The following PPFIBP2 variants were observed in gnomAD, a reference collection of about 807,000 sequenced individuals.
PPFIBP2 encodes the protein liprin-beta-2.
PPFIBP2 carries 118 observed loss-of-function variants against 118.3 expected under a neutral mutation model. The ratio of observed to expected loss-of-function variants is 1.00; its 90% CI spans 0.86 to 1.16. The LOEUF (loss-of-function observed/expected upper bound fraction) is 1.16, where lower values mean the gene tolerates loss of function less well. PPFIBP2 is among the 50% of genes most tolerant of loss of function. PPFIBP2 has a pLI of 0.00. For synonymous variants in PPFIBP2, 414 were observed against 397.4 expected (o/e 1.04, Z -0.50); for missense variants, 1,195 against 1,073.1 (o/e 1.11, Z -1.59).
chr11:7,660,639 T>C (rs1854870927), downstream of PPFIBP2, among the ~76,000 whole-genome samples: 1 of 151,532 alleles, frequency 6.6e-6, no homozygotes, highest in Non-Finnish European at 1.5e-5. Flanking sequence ...CAGGTTTTGG[T>C]ATCAGAATGA....
chr11:7,651,553 C>T (rs1478197094), intron 22 of PPFIBP2, 103 bp from the exon 23 acceptor site: 4 of 1,067,736 alleles, frequency 3.7e-6, no homozygotes, highest in African/African-American at 1.6e-5. Context: ...CCTGTCCCTC[C>T]TCTGGAGGCA....
intron 5 of PPFIBP2, among the ~76,000 whole-genome samples, chr11:7,607,417 C>T (rs1437982165): frequency 6.6e-6 from 1 of 151,684 alleles, no homozygotes; most frequent in Non-Finnish European, 1.5e-5. Flanking sequence ...GGCAGGGTTC[C>T]ACTATGTTGT....
chr11:7,574,767 T>A (rs984269237), intron 3 of PPFIBP2, among the ~76,000 whole-genome samples: 1 of 152,154 alleles, frequency 6.6e-6, no homozygotes, highest in Non-Finnish European at 1.5e-5. Context: ...ATCCATCCCA[T>A]TTCACTCAGC....
intron 3 of PPFIBP2, among the ~76,000 whole-genome samples, chr11:7,569,950 GC>G (rs539613378): frequency 4.9e-4 from 75 of 152,306 alleles, no homozygotes; most frequent in African/African-American, 1.7e-3. Flanking sequence ...TGGTCCTGAA[GC>G]CCAGAAAGGG....
At chr11:7,664,272 A>T in the PPFIBP2 span, among the ~76,000 whole-genome samples, 4 of 152,208 alleles carry the variant, frequency 2.6e-5, no homozygotes, top group African/African-American at 9.6e-5. Context: ...ATATTTTCCC[A>T]GGTATGCCGG....
At chr11:7,573,719 G>A (rs1307849890) in intron 3 of PPFIBP2, among the ~76,000 whole-genome samples, 1 of 152,188 alleles carries the variant, frequency 6.6e-6, no homozygotes, top group Non-Finnish European at 1.5e-5. Context: ...CCCCTTCTCA[G>A]CGGGCCCACT....
chr11:7,638,842 G>A (rs1024039560), intron 14 of PPFIBP2, among the ~76,000 whole-genome samples: 2 of 152,118 alleles, frequency 1.3e-5, no homozygotes, highest in Admixed American at 6.5e-5. Flanking sequence ...TAATCAACTT[G>A]TTTCTTTGGG....
intron 5 of PPFIBP2, among the ~76,000 whole-genome samples, chr11:7,603,313 A>G (rs928657135): frequency 6.6e-6 from 1 of 152,198 alleles, no homozygotes; most frequent in Admixed American, 6.5e-5. Flanking sequence ...CTTTAACTCC[A>G]TTTTACAGAT....
intron 3 of PPFIBP2, among the ~76,000 whole-genome samples, chr11:7,583,979 G>A (rs1053633301): frequency 1.3e-5 from 2 of 152,330 alleles, no homozygotes; most frequent in South Asian, 2.1e-4. Context: ...CCACTGTAAA[G>A]CCTCTTCTCT....
chr11:7,579,060 G>T (rs1258671679), intron 3 of PPFIBP2, among the ~76,000 whole-genome samples: 1 of 152,036 alleles, frequency 6.6e-6, no homozygotes, highest in Admixed American at 6.5e-5. Context: ...GGTCTAGTTT[G>T]TATTTTAAGA....
At chr11:7,519,633 A>G (rs1422594488) in intron 1 of PPFIBP2, among the ~76,000 whole-genome samples, 1 of 152,040 alleles carries the variant, frequency 6.6e-6, no homozygotes, top group Non-Finnish European at 1.5e-5. Flanking sequence ...GAGGGCCGGG[A>G]GTTTCCCATA....
At chr11:7,522,905 G>A (rs1849891687) in intron 1 of PPFIBP2, among the ~76,000 whole-genome samples, 4 of 152,132 alleles carry the variant, frequency 2.6e-5, no homozygotes, top group African/African-American at 7.2e-5. Flanking sequence ...TCAATTCCAT[G>A]GGAAGTTGTA....
chr11:7,645,401 T>C (rs1049737087), intron 17 of PPFIBP2, among the ~76,000 whole-genome samples: 4 of 152,218 alleles, frequency 2.6e-5, no homozygotes, highest in African/African-American at 9.6e-5. Flanking sequence ...TGCCATGTGC[T>C]CTCCCCCTAC....
intron 2 of PPFIBP2, among the ~76,000 whole-genome samples, chr11:7,558,137 C>G (rs570800838): frequency 6.6e-6 from 1 of 152,172 alleles, no homozygotes; most frequent in South Asian, 2.1e-4. Context: ...AGGTTTATTT[C>G]TTGTACACAT....
At chr11:7,550,008 T>G (rs1483323352) in intron 2 of PPFIBP2, among the ~76,000 whole-genome samples, 1 of 152,246 alleles carries the variant, frequency 6.6e-6, no homozygotes, top group Non-Finnish European at 1.5e-5. Context: ...CAAATTTTCT[T>G]TATGCCATAT....
chr11:7,565,802 G>T, intron 3 of PPFIBP2, 35 bp downstream of exon 3: 1 of 1,606,578 alleles, frequency 6.2e-7, no homozygotes, highest in South Asian at 1.1e-5. Context: ...GGAACCACTG[G>T]GGAATGTAAT....
chr11:7,552,388 A>G (rs1436910333), intron 2 of PPFIBP2, among the ~76,000 whole-genome samples: 2 of 152,202 alleles, frequency 1.3e-5, no homozygotes, highest in East Asian at 1.9e-4. Context: ...GGGACGGGGT[A>G]GTATTCTATT....
chr11:7,629,850 A>C (rs1424157608), intron 10 of PPFIBP2, among the ~76,000 whole-genome samples: 1 of 152,244 alleles, frequency 6.6e-6, no homozygotes, highest in Non-Finnish European at 1.5e-5. Flanking sequence ...CAGCAAGTGC[A>C]GTTAAACCTG....
intron 3 of PPFIBP2, among the ~76,000 whole-genome samples, chr11:7,592,906 G>A (rs1256730884): frequency 2.6e-5 from 4 of 152,224 alleles, no homozygotes; most frequent in African/African-American, 9.6e-5. Flanking sequence ...AGGTCATCCA[G>A]GAGGTGGTTG....
Sources: gnomAD v4.1 joint callset for allele counts (sites outside exome capture counted in the v4.1 genomes callset) on GRCh38, gnomAD v4.1.1 for gene constraint, MANE v1.5 for transcripts, NCBI Gene and HGNC (gene_info 2026-07-23, HGNC 2026-07-21) for gene names.